The following GRID2IP variants were observed in gnomAD, a reference collection of about 807,000 sequenced individuals.
GRID2IP encodes the protein delphilin.
A neutral mutation model predicts 114.3 loss-of-function variants in GRID2IP; 78 were observed. That is an observed-to-expected ratio of 0.68 (90% CI 0.57 to 0.82). GRID2IP has a LOEUF of 0.82. GRID2IP is among the 40% of genes least tolerant of loss of function. GRID2IP has a pLI of 0.00. For synonymous variants in GRID2IP, 809 were observed against 724.0 expected (o/e 1.12, Z -1.89); for missense variants, 1,727 against 1,678.5 (o/e 1.03, Z -0.51).
At chr7:6,502,905 C>T (rs781666510) in intron 17 of GRID2IP, 33 bp from the exon 18 acceptor site, 5 of 1,542,822 alleles carry the variant, frequency 3.2e-6, no homozygotes, top group Non-Finnish European at 4.4e-6. Context: ...GTCCTGTCCT[C>T]ACCCCACCAC....
Position 6,521,275 on chromosome 7 carries a change from T to C in GRID2IP, c.1084+154A>G, listed in dbSNP as rs930334817. Reference sequence around the variant, plus strand: ...CATGAGCCACCATGCCCAGCCTCACTGGGGTTCTATAGCACCACTTAGGAG... The same window carrying C: ...CATGAGCCACCATGCCCAGCCTCACCGGGGTTCTATAGCACCACTTAGGAG... On this transcript the variant is annotated intron_variant, in intron 6 of 21. Transcript: ENST00000457091. This position sits in a 1 kb window ranked among gnomAD's most constrained non-coding sequence, Gnocchi z 4.1. Among the ~76,000 whole-genome samples, 8 of 152,120 alleles carry C rather than the reference T, an allele frequency of 5.3e-5. No individual in the cohort carries two copies. The highest frequency in any genetic ancestry group is 1.9e-4 in the African/African-American group (8 of 41,440).
At chr7:6,544,071 A>T (rs920072441) in intron 1 of GRID2IP, among the ~76,000 whole-genome samples, 2 of 151,934 alleles carry the variant, frequency 1.3e-5, no homozygotes, top group African/African-American at 4.8e-5. Context: ...TGTTGGAATT[A>T]CACGTCTGAG....
chr7:6,542,147 CA>C (rs1393676088), intron 1 of GRID2IP, among the ~76,000 whole-genome samples: 1 of 151,690 alleles, frequency 6.6e-6, no homozygotes, highest in Non-Finnish European at 1.5e-5. Context: ...ACTAAAAATA[CA>C]AAAATTAGCC....
intron 1 of GRID2IP, among the ~76,000 whole-genome samples, chr7:6,544,350 G>T (rs137955232): frequency 6.6e-6 from 1 of 151,718 alleles, no homozygotes; most frequent in Non-Finnish European, 1.5e-5. Flanking sequence ...CATGATCTCG[G>T]CTCATTGCAA....
At chr7:6,512,752 T>A (rs2115060295) in intron 8 of GRID2IP, among the ~76,000 whole-genome samples, 1 of 152,112 alleles carries the variant, frequency 6.6e-6, no homozygotes, top group Middle Eastern at 3.4e-3. Flanking sequence ...CTCACGTGAT[T>A]GGCCTGCCTC....
In GRID2IP at chr7:6,514,167, C is replaced by T. The variant is rs569172270; in HGVS notation, c.1423+208G>A. On this transcript the variant is annotated intron_variant, in intron 8 of 21. Transcript: ENST00000457091. ...ACTCGGGAGGCTGACGCAGGAGAAT[C>T]GCTTGAACTTGGGAGGCGGAGGTTG... 1.1e-4 allele frequency among the ~76,000 whole-genome samples: 16 copies of T among 152,124 alleles called. No individual in the cohort carries two copies. In the South Asian group the frequency reaches 2.1e-3, roughly 20 times the overall value.
intron 4 of GRID2IP, among the ~76,000 whole-genome samples, chr7:6,522,190 GA>G (rs894136238): frequency 2.0e-5 from 3 of 151,832 alleles, no homozygotes; most frequent in African/African-American, 4.8e-5. Context: ...TCTCTACCAA[GA>G]AAAAAAATAC....
chr7:6,501,800 T>C lies in GRID2IP; in HGVS notation c.3380A>G (p.Lys1127Arg), dbSNP rs1463125342. Reference protein sequence around the residue: ...CQSISPSSEDKFAMVMSSFLE... With the variant: ...CQSISPSSEDRFAMVMSSFLE... ...GGATGCCGACATGACCATTGCAAAC[T>C]TGTCCTCGCTAGAGGGGGAAATGCT... Residue 1127 changes from lysine to arginine, a missense_variant, in exon 20 of 22, where the codon AAG (lysine) becomes AGG (arginine). Lys to Arg is a conservative substitution (Grantham distance 26). Coordinates refer to ENST00000457091, the MANE Select transcript of GRID2IP (RefSeq NM_001145118.2). The C allele has an allele frequency of 1.3e-6, 2 of 1,551,114 alleles. No individual in the cohort carries two copies. Among genetic ancestry groups the C allele is most frequent in the Non-Finnish European group, 1.7e-6 (2 of 1,146,790 alleles).
intron 7 of GRID2IP, 37 bp from the exon 8 acceptor site, chr7:6,514,566 A>G: frequency 1.4e-6 from 2 of 1,464,126 alleles, no homozygotes; most frequent in Non-Finnish European, 1.8e-6. Flanking sequence ...CTCAATACTC[A>G]CGGGCTTACC....
rs1457360444 is a variant in GRID2IP, at chr7:6,523,642, C to T, written c.920-1685G>A. Reference sequence around the variant, plus strand: ...GGAGTGCAGTGGCATGATCATAGCTCACTACAGCCTCGAACTTCTGGGCTC... The same window carrying T: ...GGAGTGCAGTGGCATGATCATAGCTTACTACAGCCTCGAACTTCTGGGCTC... On this transcript the variant is annotated intron_variant, in intron 4 of 21. Transcript: ENST00000457091. The surrounding 1 kb of genome is among the most constrained non-coding windows in gnomAD (Gnocchi z 4.5). Among the ~76,000 whole-genome samples the T allele has an allele frequency of 6.6e-6, 1 of 152,088 alleles. No homozygotes were observed. Among genetic ancestry groups the T allele is most frequent in the Non-Finnish European group, 1.5e-5 (1 of 68,034 alleles).
intron 2 of GRID2IP, among the ~76,000 whole-genome samples, chr7:6,529,798 CT>C (rs1231915656): frequency 6.6e-6 from 1 of 152,284 alleles, no homozygotes; most frequent in African/African-American, 2.4e-5. Context: ...ACAGGCCTCT[CT>C]CAGGCCACAG....
At chr7:6,548,082 T>C (rs1779913801) in intron 1 of GRID2IP, among the ~76,000 whole-genome samples, 1 of 152,180 alleles carries the variant, frequency 6.6e-6, no homozygotes, top group African/African-American at 2.4e-5. Context: ...CCAGGTGCAG[T>C]AGCTCACACC....
chr7:6,537,208 T>A (rs1354399687), intron 2 of GRID2IP, among the ~76,000 whole-genome samples: 1 of 151,900 alleles, frequency 6.6e-6, no homozygotes, highest in East Asian at 1.9e-4. Flanking sequence ...CCTGGGTCCC[T>A]CCAGGTGAGG....
At chr7:6,503,405 G>C in intron 16 of GRID2IP, 86 bp downstream of exon 16, 2 of 1,318,214 alleles carry the variant, frequency 1.5e-6, no homozygotes. Context: ...GCCCCCGAAG[G>C]CGCGCGGGAC....
At chr7:6,543,809 T>A (rs1779847301) in intron 1 of GRID2IP, among the ~76,000 whole-genome samples, 1 of 151,626 alleles carries the variant, frequency 6.6e-6, no homozygotes, top group Non-Finnish European at 1.5e-5. Context: ...TATTATTATT[T>A]GAGAGAAAGT....
chr7:6,504,498 G>A (rs1165142110), intron 15 of GRID2IP, among the ~76,000 whole-genome samples: 1 of 151,866 alleles, frequency 6.6e-6, no homozygotes, highest in Admixed American at 6.6e-5. Context: ...AAGCTGGGTG[G>A]GGTCTATGGG....
chr7:6,500,592 T>C (rs1562509954), intron 20 of GRID2IP, among the ~76,000 whole-genome samples: 1 of 152,162 alleles, frequency 6.6e-6, no homozygotes, highest in Non-Finnish European at 1.5e-5. Context: ...CAGGGGTAGA[T>C]CTGACATCAA....
chr7:6,546,143 G>T (rs200651051), intron 1 of GRID2IP, among the ~76,000 whole-genome samples: 1 of 151,766 alleles, frequency 6.6e-6, no homozygotes, highest in Non-Finnish European at 1.5e-5. Flanking sequence ...AAGCGCAGGC[G>T]AGAACTGGAG....
In GRID2IP at chr7:6,503,014, G is replaced by T; in HGVS notation, c.3057C>A (p.Ile1019=). The change falls in exon 17 of 22, where the codon ATC becomes ATA. Residue 1019 remains isoleucine (I), a synonymous_variant. Coordinates refer to ENST00000457091, the MANE Select transcript of GRID2IP (RefSeq NM_001145118.2). ...GAAGGGTACGCCCACTGACCTCCAG[G>T]ATCTTGGCGAGCTTCCGACTGTTTT... The part of the protein sequence containing the change: ...ELKNSRKLAK[I]LEFVLAMGNY... 6.4e-7 allele frequency: 1 copy of T among 1,551,494 alleles called. No homozygotes were observed. Among genetic ancestry groups the T allele is most frequent in the Non-Finnish European group, 8.7e-7 (1 of 1,146,970 alleles).
Sources: allele counts gnomAD v4.1 joint callset (sites outside exome capture counted in the v4.1 genomes callset), GRCh38; gene constraint gnomAD v4.1.1; non-coding constraint Gnocchi (gnomAD v3.1); transcripts MANE v1.5; gene names NCBI Gene and HGNC (gene_info 2026-07-23, HGNC 2026-07-21).